Variants in RASSF8 observed in about 807,000 individuals in gnomAD.
The protein encoded by RASSF8 is Ras association domain family member 8.
RASSF8 carries 22 observed loss-of-function variants against 48.5 expected under a neutral mutation model. The ratio of observed to expected loss-of-function variants is 0.45; its 90% CI spans 0.32 to 0.65. The LOEUF (loss-of-function observed/expected upper bound fraction) is 0.65. RASSF8 is among the 30% of genes least tolerant of loss of function. RASSF8 has a pLI of 0.03. For synonymous variants in RASSF8, 127 were observed against 171.5 expected (o/e 0.74, Z 2.03); for missense variants, 418 against 489.2 (o/e 0.85, Z 1.37).
chr12:26,076,344 C>T (rs1944072794), downstream of RASSF8, among the ~76,000 whole-genome samples: 1 of 151,948 alleles, frequency 6.6e-6, no homozygotes, highest in African/African-American at 2.4e-5. Context: ...TATACATGTG[C>T]CCTGTTAGTT....
At chr12:26,023,222 A>C (rs779127843) in intron 2 of RASSF8, among the ~76,000 whole-genome samples, 1 of 152,186 alleles carries the variant, frequency 6.6e-6, no homozygotes, top group Non-Finnish European at 1.5e-5. Flanking sequence ...GGAGAGAGGG[A>C]AGAAAAAGGA....
chr12:26,074,721 C>CA (rs1944056575), downstream of RASSF8, among the ~76,000 whole-genome samples: 1 of 151,924 alleles, frequency 6.6e-6, no homozygotes, highest in Non-Finnish European at 1.5e-5. Context: ...GATAGGGTGT[C>CA]ACGGAGACAA....
chr12:25,958,493 G>A (rs1188084111), upstream of RASSF8: 1 of 151,152 alleles, frequency 6.6e-6, no homozygotes, highest in East Asian at 1.9e-4. Flanking sequence ...GTCTCTCCCG[G>A]CGCCGGCGAG....
At chr12:26,024,385 T>A (rs1463388453) in intron 2 of RASSF8, among the ~76,000 whole-genome samples, 2 of 152,202 alleles carry the variant, frequency 1.3e-5, no homozygotes, top group Non-Finnish European at 2.9e-5. Flanking sequence ...TGGTAAATTC[T>A]GCCAAACATT....
intron 4 of RASSF8, among the ~76,000 whole-genome samples, chr12:26,066,065 T>C (rs1301202220): frequency 6.6e-6 from 1 of 152,178 alleles, no homozygotes; most frequent in African/African-American, 2.4e-5. Flanking sequence ...TTGATTACAA[T>C]ATGGCTACTT....
chr12:26,051,628 T>A (rs1194945933), intron 2 of RASSF8, among the ~76,000 whole-genome samples: 2 of 152,204 alleles, frequency 1.3e-5, no homozygotes, highest in Non-Finnish European at 2.9e-5. Flanking sequence ...AATATTGTAC[T>A]CCCAAAAGAT....
At chr12:26,004,847 A>G (rs1454215935) in intron 2 of RASSF8, among the ~76,000 whole-genome samples, 1 of 152,232 alleles carries the variant, frequency 6.6e-6, no homozygotes, top group Non-Finnish European at 1.5e-5. Flanking sequence ...GTTCATTGAA[A>G]AAAAGTAATA....
chr12:25,988,820 TA>T (rs1374154202), intron 1 of RASSF8, among the ~76,000 whole-genome samples: 2 of 152,186 alleles, frequency 1.3e-5, no homozygotes, highest in Non-Finnish European at 2.9e-5. Flanking sequence ...GAAATGGGTC[TA>T]AACAAGTAAC....
chr12:26,015,251 T>A (rs1021810924), intron 2 of RASSF8, among the ~76,000 whole-genome samples: 3 of 151,374 alleles, frequency 2.0e-5, no homozygotes, highest in African/African-American at 7.3e-5. Flanking sequence ...TATTTTAGGC[T>A]CTCTACTGAT....
rs943835618 is a variant in RASSF8, at chr12:26,071,700, T to TA, written c.*2883dup. The TA allele has an allele frequency of 3.1e-6, 3 of 980,176 alleles. No homozygotes were observed. Among genetic ancestry groups the TA allele is most frequent in the Non-Finnish European group, 3.6e-6 (3 of 825,160 alleles). 60.7% of individuals were successfully genotyped at this position (980,176 alleles called of 1,614,324 possible). A position where few individuals can be genotyped will look rare whatever the true frequency, so the allele number is the denominator to read the frequency against. ...GACTTCAGTTGGTATTAATAGGAGT[T>TA]ACCTATTTAATTCTCCCAGTCATCA... On this transcript the variant is annotated 3_prime_UTR_variant, in exon 6 of 6. Coordinates refer to ENST00000689635, the MANE Select transcript of RASSF8 (RefSeq NM_001394098.1).
At chr12:25,986,849 A>G (rs79551158) in intron 1 of RASSF8, among the ~76,000 whole-genome samples, 2,642 of 151,724 alleles carry the variant, frequency 0.017, 44 homozygotes, top group Non-Finnish European at 0.026. Flanking sequence ...CCTCTTATGG[A>G]TTCGTACACA....
At position 26,064,385 on chromosome 12, in the gene RASSF8, C is replaced by G. The variant is rs560967544; in HGVS notation, c.104-113C>G. 469 of 1,060,344 alleles carry G rather than the reference C, an allele frequency of 4.4e-4. 2 individuals carry two copies. The highest frequency in any genetic ancestry group is 2.9e-3 in the Middle Eastern group (9 of 3,110). The allele number at this position is 1,060,344 out of a possible 1,614,324, so 65.7% of individuals were successfully genotyped here. On this transcript the variant is annotated intron_variant, in intron 3 of 5. Coordinates refer to ENST00000689635, the MANE Select transcript of RASSF8 (RefSeq NM_001394098.1). ...TAAAGGAACCTGAACTAGACTCAAA[C>G]TTGACCCTCTGATGCTAATCGAAAA...
At chr12:26,067,970 C>G (rs1309400055) in intron 5 of RASSF8, among the ~76,000 whole-genome samples, 1 of 152,040 alleles carries the variant, frequency 6.6e-6, no homozygotes, top group Non-Finnish European at 1.5e-5. Flanking sequence ...GAGGTTTCAT[C>G]ATATTGCCCA....
At chr12:26,020,679 A>G (rs1034922723) in intron 2 of RASSF8, among the ~76,000 whole-genome samples, 1 of 152,242 alleles carries the variant, frequency 6.6e-6, no homozygotes, top group African/African-American at 2.4e-5. Context: ...AAGTTTAAAA[A>G]AAAGACTACC....
At position 26,071,386 on chromosome 12, in the gene RASSF8, G is replaced by A; in HGVS notation, c.*2568G>A. 4 of 952,190 alleles carry A rather than the reference G, an allele frequency of 4.2e-6. No homozygotes were observed. The highest frequency in any genetic ancestry group is 5.0e-6 in the Non-Finnish European group (4 of 800,224). 59.0% of individuals were successfully genotyped at this position (952,190 alleles called of 1,614,324 possible). A position where few individuals can be genotyped will look rare whatever the true frequency, so the allele number is the denominator to read the frequency against. On this transcript the variant is annotated 3_prime_UTR_variant, in exon 6 of 6. Transcript: ENST00000689635. ...TGTTCAGGTTCTAAATACTAAATTAGATTTCAATGTTTTGTGTTTTTTTTA... is the reference window on the plus strand; with the variant it reads ...TGTTCAGGTTCTAAATACTAAATTAAATTTCAATGTTTTGTGTTTTTTTTA...
intron 2 of RASSF8, among the ~76,000 whole-genome samples, chr12:26,003,877 A>G (rs187582047): frequency 4.7e-4 from 72 of 152,302 alleles, no homozygotes; most frequent in African/African-American, 1.5e-3. Flanking sequence ...ATTTTCCATA[A>G]GGATAAATGT....
intron 2 of RASSF8, among the ~76,000 whole-genome samples, chr12:26,045,794 A>T (rs12306713): frequency 0.027 from 4,168 of 152,308 alleles, 144 homozygotes; most frequent in African/African-American, 0.082. Context: ...GCAAAATGTT[A>T]AATATTAAAT....
Position 26,072,081 on chromosome 12 carries a change from T to G in RASSF8, c.*3263T>G, listed in dbSNP as rs1513129. 0.95 allele frequency: 936,065 copies of G among 985,278 alleles called. 444,718 individuals are homozygous for G. Among genetic ancestry groups the G allele is most frequent in the East Asian group, 0.99 (8,736 of 8,814 alleles). 61.0% of individuals were successfully genotyped at this position (985,278 alleles called of 1,614,324 possible). ...TTTTGATTTCAGGCATGCAAAGTGCTTGGGCAGATGGACAGTTCCCATTGT... is the reference window on the plus strand; with the variant it reads ...TTTTGATTTCAGGCATGCAAAGTGCGTGGGCAGATGGACAGTTCCCATTGT... On this transcript the variant is annotated 3_prime_UTR_variant, in exon 6 of 6. Coordinates refer to ENST00000689635, the MANE Select transcript of RASSF8 (RefSeq NM_001394098.1).
chr12:25,973,590 G>A (rs1054450873), intron 1 of RASSF8, among the ~76,000 whole-genome samples: 1 of 152,166 alleles, frequency 6.6e-6, no homozygotes, highest in Admixed American at 6.5e-5. Flanking sequence ...GCCTGCTATG[G>A]TCTGAATGTT....
Sources: gnomAD v4.1 joint callset for allele counts (sites outside exome capture counted in the v4.1 genomes callset) on GRCh38, gnomAD v4.1.1 for gene constraint, MANE v1.5 for transcripts, NCBI Gene and HGNC (gene_info 2026-07-23, HGNC 2026-07-21) for gene names.